TTC29: variants seen among roughly 807,000 people sequenced by gnomAD.
The protein encoded by TTC29 is tetratricopeptide repeat protein 29.
In TTC29, 49 loss-of-function variants were observed where a neutral mutation model predicts 58.1. That is an observed-to-expected ratio of 0.84 (90% CI 0.67 to 1.07). The LOEUF (loss-of-function observed/expected upper bound fraction) is 1.07. TTC29 is among the 50% of genes least tolerant of loss of function. The pLI is 0.00. For missense variants in TTC29, 582 were observed against 555.6 expected (o/e 1.05, Z -0.48); for synonymous variants, 209 against 196.8 (o/e 1.06, Z -0.52).
intron 11 of TTC29, among the ~76,000 whole-genome samples, chr4:146,785,954 A>G (rs957768763): frequency 6.6e-6 from 1 of 150,776 alleles, no homozygotes; most frequent in Non-Finnish European, 1.5e-5. Flanking sequence ...AAGAATATAT[A>G]TATATATGTA....
chr4:146,741,543 G>A (rs1321526673), intron 11 of TTC29, among the ~76,000 whole-genome samples: 1 of 131,496 alleles, frequency 7.6e-6, no homozygotes, highest in Non-Finnish European at 1.6e-5. Context: ...ATCGAACATT[G>A]CCCTAATTCA....
chr4:146,724,720 G>A (rs902626097), intron 11 of TTC29, among the ~76,000 whole-genome samples: 3 of 152,052 alleles, frequency 2.0e-5, no homozygotes, highest in Middle Eastern at 3.4e-3. Context: ...CACCACGTTC[G>A]CCAGGCTGGT....
chr4:146,726,065 C>A (rs992626400), intron 11 of TTC29, among the ~76,000 whole-genome samples: 1 of 151,972 alleles, frequency 6.6e-6, no homozygotes, highest in African/African-American at 2.4e-5. Flanking sequence ...TTAGAGACAG[C>A]GGTATTGCTA....
intron 11 of TTC29, among the ~76,000 whole-genome samples, chr4:146,785,607 C>T (rs968966631): frequency 6.6e-5 from 10 of 151,736 alleles, no homozygotes; most frequent in Admixed American, 4.6e-4. Flanking sequence ...CCTTAGAGAA[C>T]CTTCTTTTCC....
chr4:146,721,003 G>C (rs1743314196), intron 11 of TTC29, among the ~76,000 whole-genome samples: 1 of 152,056 alleles, frequency 6.6e-6, no homozygotes, highest in African/African-American at 2.4e-5. Flanking sequence ...GAGGTACATG[G>C]CTGAGGAGGG....
intron 8 of TTC29, among the ~76,000 whole-genome samples, chr4:146,858,935 A>C (rs557898647): frequency 9.7e-4 from 147 of 152,286 alleles, no homozygotes; most frequent in Non-Finnish European, 1.7e-3. Flanking sequence ...ACTCTCTAAA[A>C]AGCATTTTGA....
In TTC29 at chr4:146,890,031, T is replaced by C. The variant is rs559757380; in HGVS notation, c.586+13513A>G. Among the ~76,000 whole-genome samples, 12 of 152,278 alleles carry C rather than the reference T, an allele frequency of 7.9e-5. No individual in the cohort carries two copies. In the East Asian group the frequency reaches 2.3e-3, roughly 29 times the overall value. ...ACCATTGGTATATTTCTTTTTTTTA[T>C]TTCTGAAATAACATCTTTGGTTACT... On this transcript the variant is annotated intron_variant, in intron 6 of 12. Coordinates refer to ENST00000325106, the MANE Select transcript of TTC29 (RefSeq NM_031956.4).
intron 8 of TTC29, among the ~76,000 whole-genome samples, chr4:146,838,320 G>A (rs901420704): frequency 6.6e-6 from 1 of 151,862 alleles, no homozygotes; most frequent in Non-Finnish European, 1.5e-5. Flanking sequence ...GTTGTAAAAT[G>A]AAATTTAAGG....
intron 8 of TTC29, among the ~76,000 whole-genome samples, chr4:146,866,481 T>C (rs1462959340): frequency 6.6e-6 from 1 of 152,170 alleles, no homozygotes; most frequent in Non-Finnish European, 1.5e-5. Context: ...CTCTTCCCTT[T>C]GCACTTAAAA....
At chr4:146,720,451 T>C (rs1743273565) in intron 11 of TTC29, among the ~76,000 whole-genome samples, 2 of 152,160 alleles carry the variant, frequency 1.3e-5, no homozygotes, top group Non-Finnish European at 2.9e-5. Flanking sequence ...TGTTAATTCA[T>C]GGGGCATCAT....
intron 8 of TTC29, among the ~76,000 whole-genome samples, chr4:146,856,351 G>T (rs1729853814): frequency 6.6e-6 from 1 of 151,812 alleles, no homozygotes; most frequent in African/African-American, 2.4e-5. Flanking sequence ...GGCCCAAGTG[G>T]TATTCTAGAT....
chr4:146,732,095 T>C (rs1477869993), intron 11 of TTC29, among the ~76,000 whole-genome samples: 1 of 152,126 alleles, frequency 6.6e-6, no homozygotes, highest in East Asian at 1.9e-4. Flanking sequence ...TAATTCTGAG[T>C]AGTGCTGTTA....
chr4:146,850,789 A>C (rs1729466869), intron 8 of TTC29, among the ~76,000 whole-genome samples: 1 of 152,230 alleles, frequency 6.6e-6, no homozygotes, highest in African/African-American at 2.4e-5. Flanking sequence ...TTTTCAATGG[A>C]AAATGTTTAT....
chr4:146,731,521 G>T (rs562937431), intron 11 of TTC29, among the ~76,000 whole-genome samples: 2 of 152,180 alleles, frequency 1.3e-5, no homozygotes, highest in East Asian at 3.9e-4. Flanking sequence ...TAGTGTTATG[G>T]TTTCACTAGG....
chr4:146,718,650 A>G (rs1052256720), intron 11 of TTC29, among the ~76,000 whole-genome samples: 1 of 152,072 alleles, frequency 6.6e-6, no homozygotes, highest in African/African-American at 2.4e-5. Context: ...TCTCCTTCCA[A>G]TGCATAGGTT....
chr4:146,809,640 C>T (rs767760840), intron 10 of TTC29, among the ~76,000 whole-genome samples: 11 of 149,748 alleles, frequency 7.3e-5, no homozygotes, highest in South Asian at 2.1e-4. Context: ...GACATTTATG[C>T]GGCCACCAAA....
intron 2 of TTC29, chr4:146,942,815 T>C: frequency 4.1e-6 from 2 of 493,336 alleles, no homozygotes; most frequent in Admixed American, 6.7e-5. Context: ...CAGTGGGCAC[T>C]GGGGCCAGGG....
chr4:146,756,186 T>C (rs1348055792), intron 11 of TTC29, among the ~76,000 whole-genome samples: 2 of 148,072 alleles, frequency 1.4e-5, no homozygotes, highest in African/African-American at 5.0e-5. Flanking sequence ...AGGAGGAAAA[T>C]GGTGTGAACT....
At chr4:146,830,341 C>G (rs1020752498) in intron 9 of TTC29, among the ~76,000 whole-genome samples, 1 of 152,108 alleles carries the variant, frequency 6.6e-6, no homozygotes, top group South Asian at 2.1e-4. Flanking sequence ...GCAGGCAACT[C>G]TGTATTACCA....
Sources: allele counts gnomAD v4.1 joint callset (sites outside exome capture counted in the v4.1 genomes callset), GRCh38; gene constraint gnomAD v4.1.1; transcripts MANE v1.5; gene names NCBI Gene and HGNC (gene_info 2026-07-23, HGNC 2026-07-21).